The following RASGEF1B variants were observed in gnomAD, a reference collection of about 807,000 sequenced individuals.
RASGEF1B encodes the protein ras-GEF domain-containing family member 1B.
RASGEF1B carries 30 observed loss-of-function variants against 65.7 expected under a neutral mutation model. The observed-to-expected ratio is 0.46, with a 90% CI of 0.34 to 0.62. RASGEF1B has a LOEUF of 0.62. Among genes scored for constraint, RASGEF1B ranks in the 20% least tolerant of loss-of-function variants. The pLI is 0.01. For missense variants in RASGEF1B, 495 were observed against 580.1 expected (o/e 0.85, Z 1.51); for synonymous variants, 175 against 194.8 (o/e 0.90, Z 0.85).
intron 9 of RASGEF1B, among the ~76,000 whole-genome samples, chr4:81,441,398 T>C (rs1007240831): frequency 2.0e-5 from 3 of 152,174 alleles, no homozygotes; most frequent in Non-Finnish European, 2.9e-5. Flanking sequence ...TAACATTATA[T>C]ATATAATGGT....
intron 4 of RASGEF1B, 41 bp downstream of exon 4, chr4:81,456,610 C>A (rs1248460743): frequency 6.2e-7 from 1 of 1,611,120 alleles, no homozygotes; most frequent in Non-Finnish European, 8.5e-7. Flanking sequence ...CCAGGCTCTG[C>A]CTGGGAATTC....
rs1250717977 is a variant in RASGEF1B at position 81,426,542 on chromosome 4, G to A, written c.*1226C>T. ...TTTCAAATACATCTGTTTTGAACAT[G>A]GTATTTTGTTTTTCTCATTAGCACG... On this transcript the variant is annotated 3_prime_UTR_variant, in exon 14 of 14. Coordinates refer to ENST00000264400, the MANE Select transcript of RASGEF1B (RefSeq NM_152545.3). 1.3e-5 allele frequency: 2 copies of A among 152,120 alleles called. No individual in the cohort carries two copies. The highest frequency in any genetic ancestry group is 2.9e-5 in the Non-Finnish European group (2 of 68,032). 9.4% of individuals were successfully genotyped at this position (152,120 alleles called of 1,614,324 possible).
intron 10 of RASGEF1B, among the ~76,000 whole-genome samples, chr4:81,438,589 A>C (rs1300594957): frequency 6.6e-6 from 1 of 152,214 alleles, no homozygotes; most frequent in East Asian, 1.9e-4. Flanking sequence ...GTTCTGGGAT[A>C]CGTGTGCACA....
At chr4:81,438,450 A>G (rs1309325206) in intron 10 of RASGEF1B, among the ~76,000 whole-genome samples, 1 of 152,258 alleles carries the variant, frequency 6.6e-6, no homozygotes, top group Admixed American at 6.5e-5. Context: ...ACGCCCGGCC[A>G]AGAATCCCAA....
chr4:81,448,361 C>T (rs1722120511), intron 4 of RASGEF1B, 77 bp from the exon 5 acceptor site: 1 of 1,245,750 alleles, frequency 8.0e-7, no homozygotes, highest in Non-Finnish European at 1.2e-6. Context: ...AGACTGTGTC[C>T]TCAAATGATT....
chr4:81,456,148 C>T lies in RASGEF1B; in HGVS notation c.438+503G>A. The T allele has an allele frequency of 8.1e-6, 2 of 246,430 alleles. 1 individual carries two copies. 15.3% of individuals were successfully genotyped at this position (246,430 alleles called of 1,614,324 possible). A position where few individuals can be genotyped will look rare whatever the true frequency, so the allele number is the denominator to read the frequency against. The stretch of plus-strand genomic sequence containing the variant: ...AACTTAAACTCATACCACAGCAGTC[C>T]TGTCCTCCTCTACTCATTCTCAACA... On this transcript the variant is annotated intron_variant, in intron 4 of 13. Coordinates refer to ENST00000264400, the MANE Select transcript of RASGEF1B (RefSeq NM_152545.3).
In RASGEF1B at chr4:81,427,672, A is replaced by C; in HGVS notation, c.*96T>G. The C allele has an allele frequency of 2.8e-6, 4 of 1,451,490 alleles. No homozygotes were observed. In the East Asian group the frequency reaches 9.1e-5, roughly 33 times the overall value. The allele number at this position is 1,451,490 out of a possible 1,614,324, so 89.9% of individuals were successfully genotyped here. A position where few individuals can be genotyped will look rare whatever the true frequency, so the allele number is the denominator to read the frequency against. On this transcript the variant is annotated 3_prime_UTR_variant, in exon 14 of 14. Transcript: ENST00000264400. Reference sequence around the variant, plus strand: ...GTGCTCCAATGACTGCAGGGTCTTCATGAGTGTTCGTGGTACGAGATGCCA... The same window carrying C: ...GTGCTCCAATGACTGCAGGGTCTTCCTGAGTGTTCGTGGTACGAGATGCCA...
At chr4:81,454,912 T>A (rs907154906) in intron 4 of RASGEF1B, 5 of 152,256 alleles carry the variant, frequency 3.3e-5, no homozygotes, top group African/African-American at 1.2e-4. Context: ...AAAATTGGGA[T>A]AAATGGCATT....
At chr4:81,435,799 A>G (rs1341500015) in intron 10 of RASGEF1B, among the ~76,000 whole-genome samples, 7 of 98,366 alleles carry the variant, frequency 7.1e-5, no homozygotes, top group Middle Eastern at 6.0e-3. Context: ...TTTTTTTTTA[A>G]GAGACAGGTC....
rs774949999 is a variant in RASGEF1B, at chr4:81,433,825, A to T, written c.1324+15T>A. The stretch of plus-strand genomic sequence containing the variant: ...TTTGGGGATGCTAGTGGTAGCTCCT[A>T]TTGAATGGCCTTACCATCTTCACTG... On this transcript the variant is annotated intron_variant, in intron 12 of 13. Transcript: ENST00000264400. 1 of 1,611,902 alleles carries T rather than the reference A, an allele frequency of 6.2e-7. No homozygotes were observed. Among genetic ancestry groups the T allele is most frequent in the South Asian group, 1.1e-5 (1 of 90,328 alleles).
At chr4:81,463,575 T>C (rs894145310) in intron 1 of RASGEF1B, among the ~76,000 whole-genome samples, 5 of 152,214 alleles carry the variant, frequency 3.3e-5, no homozygotes, top group Admixed American at 2.0e-4. Context: ...TGCTGGACAA[T>C]GTCTAACCAG....
chr4:81,461,019 A>T (rs1156710864), intron 1 of RASGEF1B, among the ~76,000 whole-genome samples: 2 of 140,284 alleles, frequency 1.4e-5, no homozygotes, highest in African/African-American at 6.2e-5. Flanking sequence ...ACATTAACAC[A>T]GATGGTCTGC....
At chr4:81,449,667 TA>T (rs1262243539) in intron 4 of RASGEF1B, among the ~76,000 whole-genome samples, 7 of 152,188 alleles carry the variant, frequency 4.6e-5, no homozygotes, top group Non-Finnish European at 8.8e-5. Context: ...CATTGGCTTT[TA>T]AAAAAATACC....
At chr4:81,443,696 T>C (rs1052625972) in intron 8 of RASGEF1B, among the ~76,000 whole-genome samples, 9 of 152,386 alleles carry the variant, frequency 5.9e-5, no homozygotes, top group African/African-American at 2.2e-4. Flanking sequence ...GCATTTGGAT[T>C]GTTTCCAGTC....
chr4:81,457,726 T>C (rs1305273196), intron 2 of RASGEF1B, 105 bp from the exon 3 acceptor site: 6 of 1,307,626 alleles, frequency 4.6e-6, no homozygotes, highest in Non-Finnish European at 6.4e-6. Flanking sequence ...CAAGTTCATA[T>C]GCTGCAGTTT....
chr4:81,440,983 A>AC, intron 9 of RASGEF1B, 54 bp from the exon 10 acceptor site: 3 of 1,216,022 alleles, frequency 2.5e-6, no homozygotes, highest in Non-Finnish European at 3.6e-6. Context: ...AAACTTCTGT[A>AC]GGAAGTTTAT....
At chr4:81,433,590 G>A (rs1262369751) in intron 12 of RASGEF1B, among the ~76,000 whole-genome samples, 4 of 152,192 alleles carry the variant, frequency 2.6e-5, no homozygotes, top group African/African-American at 9.6e-5. Flanking sequence ...AACCCCATTT[G>A]TGCCCATAGC....
Position 81,442,287 on chromosome 4 carries a change from C to A in RASGEF1B, c.1008+10G>T, listed in dbSNP as rs953322433. 2.5e-6 allele frequency: 4 copies of A among 1,593,796 alleles called. No individual in the cohort carries two copies. In the African/African-American group the frequency reaches 5.4e-5, roughly 21 times the overall value. On this transcript the variant is annotated intron_variant, in intron 9 of 13. Coordinates refer to ENST00000264400, the MANE Select transcript of RASGEF1B (RefSeq NM_152545.3). ...GTGTTACTTAACAGCAAAACATCAG[C>A]TTCACATACCTCAAGAATGTCAAAT... is the stretch of plus-strand genomic sequence containing the variant.
At chr4:81,456,253 G>A (rs192165284) in intron 4 of RASGEF1B, 40 of 500,158 alleles carry the variant, frequency 8.0e-5, no homozygotes, top group Non-Finnish European at 1.1e-4. Flanking sequence ...ATTTATCCTC[G>A]GTTAATAGAA....
Sources: allele counts gnomAD v4.1 joint callset (sites outside exome capture counted in the v4.1 genomes callset), GRCh38; gene constraint gnomAD v4.1.1; transcripts MANE v1.5; gene names NCBI Gene and HGNC (gene_info 2026-07-23, HGNC 2026-07-21).